The following THADA variants were observed in gnomAD, a reference collection of about 807,000 sequenced individuals.
THADA encodes tRNA (32-2'-O)-methyltransferase regulator THADA.
Under a neutral mutation model 219.8 loss-of-function variants are expected in THADA, and 213 were observed. That is an observed-to-expected ratio of 0.97 (90% CI 0.87 to 1.09). The LOEUF (loss-of-function observed/expected upper bound fraction) is 1.09, where lower values mean the gene tolerates loss of function less well. THADA is among the 50% of genes least tolerant of loss of function. The probability of loss-of-function intolerance (pLI) is 0.00; values close to 1 mark genes in which losing one functional copy is unlikely to be tolerated. For missense variants in THADA, 2,956 were observed against 2,311.3 expected (o/e 1.28, Z -5.72); for synonymous variants, 1,018 against 828.9 (o/e 1.23, Z -3.92).
chr2:43,273,198 G>A (rs773998197), intron 36 of THADA, among the ~76,000 whole-genome samples: 2 of 151,358 alleles, frequency 1.3e-5, no homozygotes, highest in African/African-American at 2.4e-5. Flanking sequence ...GCAGTGAGCC[G>A]AGATTGCACC....
At chr2:43,580,374 A>G (rs1429574987) in intron 8 of THADA, among the ~76,000 whole-genome samples, 1 of 151,716 alleles carries the variant, frequency 6.6e-6, no homozygotes, top group African/African-American at 2.4e-5. Flanking sequence ...TATTCTCTAC[A>G]TTTCATTAGT....
At chr2:43,420,842 T>C (rs1250033458) in intron 28 of THADA, among the ~76,000 whole-genome samples, 1 of 152,216 alleles carries the variant, frequency 6.6e-6, no homozygotes. Flanking sequence ...AATTTCATAC[T>C]ACATGCTGAA....
chr2:43,566,314 C>A, intron 15 of THADA: 3 of 542,962 alleles, frequency 5.5e-6, no homozygotes, highest in Middle Eastern at 4.8e-4. Context: ...ACATTTTAAC[C>A]ACAGAGACTC....
intron 21 of THADA, among the ~76,000 whole-genome samples, chr2:43,540,866 A>C (rs1234939976): frequency 6.6e-6 from 1 of 152,216 alleles, no homozygotes; most frequent in Non-Finnish European, 1.5e-5. Context: ...GCTAAAGTTT[A>C]AGTCTGTGTA....
At chr2:43,548,544 T>A (rs111747220) in intron 20 of THADA, among the ~76,000 whole-genome samples, 51,989 of 152,016 alleles carry the variant, frequency 0.34, 9,202 homozygotes, top group South Asian at 0.42. Flanking sequence ...CCTGCCTGCT[T>A]TGTTTACCTA....
chr2:43,239,518 T>C lies in THADA; in HGVS notation c.5297-6636A>G, dbSNP rs561722854. ...GGTAAGTCACAGACTTTGAGGTTGC[T>C]TTCAACTACTGAATGAAAGAAAGAT... is the stretch of plus-strand genomic sequence containing the variant. On this transcript the variant is annotated intron_variant, in intron 36 of 37. Transcript: ENST00000405975. 3.0e-4 allele frequency among the ~76,000 whole-genome samples: 46 copies of C among 152,372 alleles called. 1 individual carries two copies. The East Asian group carries it at 3.9e-3, about 13-fold the overall frequency.
At chr2:43,374,017 A>G (rs1223552773) in intron 29 of THADA, among the ~76,000 whole-genome samples, 1 of 152,196 alleles carries the variant, frequency 6.6e-6, no homozygotes, top group African/African-American at 2.4e-5. Flanking sequence ...ATGCAACACA[A>G]TCTCAATCAA....
intron 36 of THADA, among the ~76,000 whole-genome samples, chr2:43,239,348 A>G (rs1231727249): frequency 2.6e-5 from 4 of 152,154 alleles, no homozygotes; most frequent in Admixed American, 2.6e-4. Flanking sequence ...CTCCACGATG[A>G]GCGCCTCCAC....
At position 43,291,710 on chromosome 2, in the gene THADA, G is replaced by C. The variant is rs1326207991; in HGVS notation, c.4996C>G (p.Gln1666Glu). ...ACCAGCCTTACCTCCACACATGTCTGCATGTGGTGGGAAATGACTTTGGAA... is the reference window on the plus strand; with the variant it reads ...ACCAGCCTTACCTCCACACATGTCTCCATGTGGTGGGAAATGACTTTGGAA... ...LASKVISHHM[Q>E]TCVENRELIA... The change falls in exon 34 of 38, where the codon CAG (glutamine) becomes GAG (glutamate). Residue 1666 changes from glutamine to glutamate, a missense_variant. Transcript: ENST00000405975. 1 of 1,556,478 alleles carries C rather than the reference G, an allele frequency of 6.4e-7. No individual in the cohort carries two copies. The highest frequency in any genetic ancestry group is 2.4e-5 in the East Asian group (1 of 42,298).
rs1701041737 is a variant in THADA, at chr2:43,586,509, AATAAAATATTTT to A, written c.485-72_485-61del. The A allele has an allele frequency of 1.9e-5, 27 of 1,434,224 alleles. No individual in the cohort carries two copies. The South Asian group carries it at 3.6e-4, about 19-fold the overall frequency. 88.8% of individuals were successfully genotyped at this position (1,434,224 alleles called of 1,614,324 possible). ...AAACTGTGAAGCTCAATTTCAATAA[AATAAAATATTTT>A]ATATCACTGTTATCCAAAATGATAT... On this transcript the variant is annotated intron_variant, in intron 6 of 37. Coordinates refer to ENST00000405975, the MANE Select transcript of THADA (RefSeq NM_022065.5).
chr2:43,391,752 C>T lies in THADA; in HGVS notation c.4227+6219G>A, dbSNP rs112625794. The T allele has an allele frequency of 2.6e-5, 4 of 152,256 alleles. No individual in the cohort carries two copies. In the East Asian group the frequency reaches 7.7e-4, roughly 29 times the overall value. 9.4% of individuals were successfully genotyped at this position (152,256 alleles called of 1,614,324 possible). Reference sequence around the variant, plus strand: ...TAGAGGCTCCAGCCCTGCCAGGCCACACTCAAGACTCCCTGAGAGCTGAAG... The same window carrying T: ...TAGAGGCTCCAGCCCTGCCAGGCCATACTCAAGACTCCCTGAGAGCTGAAG... On this transcript the variant is annotated intron_variant, in intron 29 of 37. Coordinates refer to ENST00000405975, the MANE Select transcript of THADA (RefSeq NM_022065.5).
chr2:43,544,052 G>A (rs554070813), intron 20 of THADA, among the ~76,000 whole-genome samples: 1 of 152,078 alleles, frequency 6.6e-6, no homozygotes, highest in Admixed American at 6.5e-5. Context: ...TTTTGTATAA[G>A]GTGTAAGGAA....
intron 26 of THADA, chr2:43,463,008 A>G (rs570460128): frequency 6.6e-6 from 1 of 152,330 alleles, no homozygotes; most frequent in East Asian, 1.9e-4. Flanking sequence ...GGACAGCAAC[A>G]GTTTGAGGGT....
At chr2:43,334,215 AG>A (rs1303539870) in intron 30 of THADA, among the ~76,000 whole-genome samples, 2 of 152,084 alleles carry the variant, frequency 1.3e-5, no homozygotes, top group East Asian at 1.9e-4. Flanking sequence ...GAGTATGGAT[AG>A]GGGGTGACAG....
chr2:43,493,656 A>G (rs1195965913), intron 25 of THADA, among the ~76,000 whole-genome samples: 2 of 152,176 alleles, frequency 1.3e-5, no homozygotes, highest in East Asian at 3.9e-4. Flanking sequence ...ACTGAACATA[A>G]TAAAGAGAGA....
intron 28 of THADA, among the ~76,000 whole-genome samples, chr2:43,420,290 C>T (rs2104787630): frequency 6.6e-6 from 1 of 152,342 alleles, no homozygotes; most frequent in Admixed American, 6.5e-5. Flanking sequence ...ATCAGGTTCA[C>T]AAGCATGTAT....
At chr2:43,245,172 CTTTTT>C (rs200036949) in intron 36 of THADA, among the ~76,000 whole-genome samples, 5 of 103,092 alleles carry the variant, frequency 4.9e-5, no homozygotes, top group South Asian at 3.7e-4. Flanking sequence ...CTTTCTTCTT[CTTTTT>C]TTTTTTTTTT....
At chr2:43,390,970 G>A (rs1276713003) in intron 29 of THADA, among the ~76,000 whole-genome samples, 1 of 152,186 alleles carries the variant, frequency 6.6e-6, no homozygotes, top group Non-Finnish European at 1.5e-5. Flanking sequence ...AACTGCACAA[G>A]CTCAAAAGCT....
chr2:43,474,062 T>C (rs1685229368), intron 26 of THADA, among the ~76,000 whole-genome samples: 2 of 152,188 alleles, frequency 1.3e-5, no homozygotes, highest in Middle Eastern at 3.2e-3. Flanking sequence ...GTCATATATG[T>C]GGTCTGTCAT....
Sources: allele counts gnomAD v4.1 joint callset (sites outside exome capture counted in the v4.1 genomes callset), GRCh38; gene constraint gnomAD v4.1.1; transcripts MANE v1.5; gene names NCBI Gene and HGNC (gene_info 2026-07-23, HGNC 2026-07-21).